WDFY2: variants seen among roughly 807,000 people sequenced by gnomAD.
WDFY2 encodes WD repeat and FYVE domain containing 2, also known as WD repeat and FYVE domain-containing protein 2.
A neutral mutation model predicts 56.4 loss-of-function variants in WDFY2; 36 were observed. That is an observed-to-expected ratio of 0.64 (90% CI 0.49 to 0.84). The LOEUF (loss-of-function observed/expected upper bound fraction) is 0.84, where lower values mean the gene tolerates loss of function less well. Among genes scored for constraint, WDFY2 ranks in the 40% least tolerant of loss-of-function variants. The probability of loss-of-function intolerance (pLI) is 0.00; values close to 1 mark genes in which losing one functional copy is unlikely to be tolerated. For missense variants in WDFY2, 444 were observed against 512.2 expected (o/e 0.87, Z 1.29); for synonymous variants, 176 against 183.7 (o/e 0.96, Z 0.34).
intron 1 of WDFY2, among the ~76,000 whole-genome samples, chr13:51,638,474 A>G (rs1955094381): frequency 6.6e-6 from 1 of 152,218 alleles, no homozygotes; most frequent in Non-Finnish European, 1.5e-5. Flanking sequence ...AAATAAGTGC[A>G]AGTGAGTGGA....
intron 3 of WDFY2, among the ~76,000 whole-genome samples, chr13:51,701,121 C>T (rs1166242509): frequency 6.6e-6 from 1 of 152,192 alleles, no homozygotes; most frequent in African/African-American, 2.4e-5. Context: ...ATTATTACAA[C>T]TGTACGTTCC....
chr13:51,756,214 G>C lies in WDFY2; in HGVS notation c.934-118G>C, dbSNP rs907217621. The C allele has an allele frequency of 9.8e-6, 14 of 1,432,594 alleles. No individual in the cohort carries two copies. In the African/African-American group the frequency reaches 1.1e-4, roughly 12 times the overall value. The allele number at this position is 1,432,594 out of a possible 1,614,324, so 88.7% of individuals were successfully genotyped here. On this transcript the variant is annotated intron_variant, in intron 9 of 11. Coordinates refer to ENST00000298125, the MANE Select transcript of WDFY2 (RefSeq NM_052950.4). ...TTCCCTTTAGTTCTGGGGCTCTCTTGTTCAGCATCCTCACCTGGATGCAGT... is the reference window on the plus strand; with the variant it reads ...TTCCCTTTAGTTCTGGGGCTCTCTTCTTCAGCATCCTCACCTGGATGCAGT...
At chr13:51,649,842 C>T (rs1026192633) in intron 1 of WDFY2, among the ~76,000 whole-genome samples, 1 of 152,098 alleles carries the variant, frequency 6.6e-6, no homozygotes, top group African/African-American at 2.4e-5. Context: ...AGTTTGAAGT[C>T]AGGTAGCATG....
intron 5 of WDFY2, 86 bp downstream of exon 5, chr13:51,719,434 G>C: frequency 6.9e-7 from 1 of 1,453,048 alleles, no homozygotes; most frequent in African/African-American, 1.4e-5. Flanking sequence ...TGTGCAGCTT[G>C]AAAGTTTTGT....
chr13:51,590,405 C>T (rs952311890), intron 1 of WDFY2: 5 of 152,148 alleles, frequency 3.3e-5, no homozygotes, highest in Non-Finnish European at 7.4e-5. Context: ...ACTTGCACAG[C>T]ATCTTTCTCT....
chr13:51,694,864 G>A (rs1332864114), intron 3 of WDFY2, among the ~76,000 whole-genome samples: 1 of 151,968 alleles, frequency 6.6e-6, no homozygotes, highest in African/African-American at 2.4e-5. Context: ...CATATTTCTT[G>A]GAGGCTTTGT....
intron 2 of WDFY2, among the ~76,000 whole-genome samples, chr13:51,673,938 A>T (rs1593971687): frequency 6.6e-6 from 1 of 152,192 alleles, no homozygotes; most frequent in Non-Finnish European, 1.5e-5. Flanking sequence ...GTAAATATGC[A>T]GTTTAGAAGG....
At chr13:51,736,051 A>C (rs915392322) in intron 6 of WDFY2, among the ~76,000 whole-genome samples, 5 of 152,248 alleles carry the variant, frequency 3.3e-5, no homozygotes, top group East Asian at 1.9e-4. Context: ...AATTGATCTC[A>C]TGATGGCTGG....
At position 51,762,975 on chromosome 13, in the gene WDFY2, T is replaced by TATAA. The variant is rs1566254839; in HGVS notation, c.*3206_*3207insATAA. On this transcript the variant is annotated 3_prime_UTR_variant, in exon 12 of 12. Transcript: ENST00000298125. Reference sequence around the variant, plus strand: ...TTGAGATTAAGCATTTGGAATCTTATGTCATTTTGTATGGGGTCAATCCAC... The same window carrying TATAA: ...TTGAGATTAAGCATTTGGAATCTTATATAAGTCATTTTGTATGGGGTCAATCCAC... 6.6e-6 allele frequency: 1 copy of TATAA among 152,230 alleles called. No individual in the cohort carries two copies. Among genetic ancestry groups the TATAA allele is most frequent in the East Asian group, 1.9e-4 (1 of 5,194 alleles). 9.4% of individuals were successfully genotyped at this position (152,230 alleles called of 1,614,324 possible). A position where few individuals can be genotyped will look rare whatever the true frequency, so the allele number is the denominator to read the frequency against.
chr13:51,614,173 G>A lies in WDFY2; in HGVS notation c.137+29349G>A, dbSNP rs535791117. Among the ~76,000 whole-genome samples the A allele has an allele frequency of 1.0e-4, 14 of 133,432 alleles. No homozygotes were observed. In the South Asian group the frequency reaches 2.1e-3, roughly 20 times the overall value. 87.5% of individuals were successfully genotyped at this position (133,432 alleles called of 152,430 possible). On this transcript the variant is annotated intron_variant, in intron 1 of 11. Transcript: ENST00000298125. Reference sequence around the variant, plus strand: ...TGCACCCCAGCCTGGGCGACAGTGCGAGACTCGGTCTCCAAAAAAAAAAAA... The same window carrying A: ...TGCACCCCAGCCTGGGCGACAGTGCAAGACTCGGTCTCCAAAAAAAAAAAA...
chr13:51,647,292 A>G (rs539075411), intron 1 of WDFY2, among the ~76,000 whole-genome samples: 37 of 152,324 alleles, frequency 2.4e-4, no homozygotes, highest in African/African-American at 8.4e-4. Context: ...ACAAAACTAT[A>G]TGGTCTACCC....
chr13:51,664,359 G>A (rs998377162), intron 2 of WDFY2, among the ~76,000 whole-genome samples: 23 of 152,220 alleles, frequency 1.5e-4, no homozygotes, highest in Admixed American at 7.9e-4. Flanking sequence ...AGAATTTGGA[G>A]GCAGAAATGC....
chr13:51,686,101 A>G (rs1956058722), intron 3 of WDFY2, among the ~76,000 whole-genome samples: 1 of 152,198 alleles, frequency 6.6e-6, no homozygotes. Context: ...GAAATGATTA[A>G]CATACCTTGC....
intron 1 of WDFY2, among the ~76,000 whole-genome samples, chr13:51,623,300 T>A (rs546527853): frequency 6.1e-4 from 92 of 151,516 alleles, no homozygotes; most frequent in Middle Eastern, 3.4e-3. Context: ...CCTGGGCAAA[T>A]GAGATGAATG....
chr13:51,636,048 T>A (rs1235205070), intron 1 of WDFY2, among the ~76,000 whole-genome samples: 6 of 152,176 alleles, frequency 3.9e-5, no homozygotes, highest in Non-Finnish European at 8.8e-5. Context: ...TTCATCATCT[T>A]TTTTTTCAAC....
At chr13:51,651,391 G>A (rs1162346645) in intron 1 of WDFY2, among the ~76,000 whole-genome samples, 1 of 152,034 alleles carries the variant, frequency 6.6e-6, no homozygotes, top group African/African-American at 2.4e-5. Flanking sequence ...ATTTTTTGAA[G>A]CATTTTTTTG....
intron 1 of WDFY2, among the ~76,000 whole-genome samples, chr13:51,607,957 CAGAG>C (rs1184095857): frequency 2.6e-5 from 4 of 152,142 alleles, no homozygotes; most frequent in African/African-American, 9.7e-5. Context: ...GGATTAGAAT[CAGAG>C]AGGACAAGGC....
chr13:51,676,378 G>A (rs569882714), intron 3 of WDFY2, among the ~76,000 whole-genome samples: 2 of 152,164 alleles, frequency 1.3e-5, no homozygotes, highest in African/African-American at 4.8e-5. Flanking sequence ...CCACAATATG[G>A]CGTGGAACTT....
At chr13:51,732,978 A>G (rs1053945701) in intron 6 of WDFY2, among the ~76,000 whole-genome samples, 2 of 152,190 alleles carry the variant, frequency 1.3e-5, no homozygotes, top group Non-Finnish European at 2.9e-5. Context: ...TTTGGAAGCA[A>G]ATAATAAAAG....
Sources: allele counts gnomAD v4.1 joint callset (sites outside exome capture counted in the v4.1 genomes callset), GRCh38; gene constraint gnomAD v4.1.1; transcripts MANE v1.5; gene names NCBI Gene and HGNC (gene_info 2026-07-23, HGNC 2026-07-21).